The following UBR4 variants were observed in gnomAD, a reference collection of about 807,000 sequenced individuals.
UBR4 encodes E3 ubiquitin-protein ligase UBR4.
In UBR4, 124 loss-of-function variants were observed where a neutral mutation model predicts 575.6. The observed-to-expected ratio is 0.22, with a 90% confidence interval of 0.19 to 0.25. The LOEUF (loss-of-function observed/expected upper bound fraction) is 0.25. Among genes scored for constraint, UBR4 ranks in the 10% least tolerant of loss-of-function variants. The probability of loss-of-function intolerance (pLI) is 1.00; values close to 1 mark genes in which losing one functional copy is unlikely to be tolerated. For missense variants in UBR4, 4,818 were observed against 6,478.8 expected, an observed-to-expected ratio of 0.74 and a Z score of 8.80; for synonymous variants, 2,455 against 2,473.7, an observed-to-expected ratio of 0.99 and a Z score of 0.22.
chr1:19,162,364 C>T, intron 35 of UBR4, 56 bp downstream of exon 35: 1 of 1,552,766 alleles, frequency 6.4e-7, no homozygotes, highest in Non-Finnish European at 8.7e-7. Context: ...AAGCTTGGTA[C>T]CATGCCAGTT....
intron 51 of UBR4, among the ~76,000 whole-genome samples, chr1:19,147,332 C>G (rs572596036): frequency 6.6e-6 from 1 of 152,298 alleles, no homozygotes; most frequent in Non-Finnish European, 1.5e-5. Flanking sequence ...TACCCAAGGA[C>G]AGTGTTTCCA....
intron 85 of UBR4, 158 bp downstream of exon 85, chr1:19,104,889 AC>A: frequency 7.9e-7 from 1 of 1,260,474 alleles, no homozygotes; most frequent in Non-Finnish European, 1.1e-6. Context: ...TGCTACAGCT[AC>A]ATAATAAATA....
At position 19,100,681 on chromosome 1, in the gene UBR4, GCC is replaced by G; in HGVS notation, c.13024-110_13024-109del. The stretch of plus-strand genomic sequence containing the variant: ...GAGGAAAACACACCAAACTCAGCAA[GCC>G]CCCCAAACATTTAAAGATACAAAGG... On this transcript the variant is annotated intron_variant, in intron 88 of 105. Transcript: ENST00000375254. The surrounding 1 kb of genome is among the most constrained non-coding windows in gnomAD (Gnocchi z 4.2). 14 of 1,054,866 alleles carry G rather than the reference GCC, an allele frequency of 1.3e-5. No homozygotes were observed. Among genetic ancestry groups the G allele is most frequent in the Non-Finnish European group, 2.0e-5 (14 of 713,980 alleles). 65.3% of individuals were successfully genotyped at this position (1,054,866 alleles called of 1,614,324 possible). A position where few individuals can be genotyped will look rare whatever the true frequency, so the allele number is the denominator to read the frequency against.
chr1:19,104,869 C>T, intron 85 of UBR4, 179 bp downstream of exon 85: 1 of 1,170,626 alleles, frequency 8.5e-7, no homozygotes, highest in African/African-American at 1.5e-5. Flanking sequence ...TCCAAATGCT[C>T]CCAAGAGTTT....
rs201737964 is a variant in UBR4, at chr1:19,081,404, G to T, written c.15178C>A (p.Arg5060=). ...QWRATRVEIL[R]RLLVTSQARA... ...GCCTGCGAGGTCACCAACAGCCTCCGCAAGATTTCCACACGTGTGGCTCTC... is the reference window on the plus strand; with the variant it reads ...GCCTGCGAGGTCACCAACAGCCTCCTCAAGATTTCCACACGTGTGGCTCTC... The change falls in exon 103 of 106, where the codon CGG becomes AGG. Residue 5060 remains arginine (R), a synonymous_variant. Transcript: ENST00000375254. 1.9e-6 allele frequency: 3 copies of T among 1,613,562 alleles called. No homozygotes were observed. In the South Asian group the frequency reaches 3.3e-5, roughly 18 times the overall value.
chr1:19,165,219 A>G, intron 31 of UBR4, 30 bp downstream of exon 31: 3 of 1,593,338 alleles, frequency 1.9e-6, no homozygotes, highest in South Asian at 2.2e-5. Flanking sequence ...CAAAGTTCCC[A>G]TAAGAAGATT....
intron 89 of UBR4, chr1:19,099,987 C>T (rs768437440): frequency 1.8e-5 from 8 of 434,662 alleles, no homozygotes; most frequent in South Asian, 7.2e-5. Context: ...AGACCCTCAA[C>T]GGTCTGCCAG....
chr1:19,175,485 C>G (rs897421869), intron 20 of UBR4, among the ~76,000 whole-genome samples: 1 of 152,176 alleles, frequency 6.6e-6, no homozygotes, highest in Non-Finnish European at 1.5e-5. Context: ...AAAGTTTCCA[C>G]AAAACACACT....
In UBR4 at chr1:19,187,124, GAC is replaced by G. The variant is rs748509236; in HGVS notation, c.1632+38_1632+39del. ...TATATATATCATATATATAAAATGA[GAC>G]ATTCTTCTAAATTATCAATGGCTTA... On this transcript the variant is annotated intron_variant, in intron 13 of 105. Coordinates refer to ENST00000375254, the MANE Select transcript of UBR4 (RefSeq NM_020765.3). 7.3e-6 allele frequency: 11 copies of G among 1,515,896 alleles called. No homozygotes were observed. The South Asian group carries it at 1.3e-4, about 18-fold the overall frequency. The allele number at this position is 1,515,896 out of a possible 1,614,324, so 93.9% of individuals were successfully genotyped here. A position where few individuals can be genotyped will look rare whatever the true frequency, so the allele number is the denominator to read the frequency against.
chr1:19,159,190 C>T (rs530524927), intron 39 of UBR4, among the ~76,000 whole-genome samples: 10 of 152,258 alleles, frequency 6.6e-5, no homozygotes, highest in Non-Finnish European at 1.0e-4. Flanking sequence ...ATATCTCATT[C>T]GCAATATTTG....
At position 19,097,298 on chromosome 1, in the gene UBR4, G is replaced by A; in HGVS notation, c.13303-18C>T. The stretch of plus-strand genomic sequence containing the variant: ...GGCTCTCCCTGAGCAGAGAAAGTTG[G>A]AGAAAGGTACTTAAAAACAGGCCCA... On this transcript the variant is annotated intron_variant, in intron 90 of 105. Transcript: ENST00000375254. 6.2e-7 allele frequency: 1 copy of A among 1,610,022 alleles called. No homozygotes were observed. Among genetic ancestry groups the A allele is most frequent in the Non-Finnish European group, 8.5e-7 (1 of 1,178,260 alleles).
intron 49 of UBR4, among the ~76,000 whole-genome samples, chr1:19,148,844 A>G (rs1477480652): frequency 6.6e-6 from 1 of 152,196 alleles, no homozygotes; most frequent in Non-Finnish European, 1.5e-5. Flanking sequence ...ACCTGAGGCC[A>G]TGTTCGTAAT....
At chr1:19,104,443 A>C in intron 86 of UBR4, 142 bp downstream of exon 86, 1 of 1,162,668 alleles carries the variant, frequency 8.6e-7, no homozygotes, top group African/African-American at 1.6e-5. Context: ...AAACGTATCA[A>C]TACAGAAAAA....
intron 94 of UBR4, among the ~76,000 whole-genome samples, chr1:19,094,428 T>C (rs2077822020): frequency 6.6e-6 from 1 of 152,230 alleles, no homozygotes; most frequent in African/African-American, 2.4e-5. Flanking sequence ...CACTTGGTCA[T>C]AGCTCTAGCC....
At chr1:19,144,136 C>A (rs969271284) in intron 54 of UBR4, 45 bp from the exon 55 acceptor site, 5 of 1,548,544 alleles carry the variant, frequency 3.2e-6, no homozygotes, top group Non-Finnish European at 4.5e-6. Context: ...TCATATTATT[C>A]ATGAAACTCT....
chr1:19,140,309 CCTCT>C (rs1178185379), intron 58 of UBR4, among the ~76,000 whole-genome samples: 1 of 151,770 alleles, frequency 6.6e-6, no homozygotes, highest in Non-Finnish European at 1.5e-5. Flanking sequence ...CCATAAAAAC[CCTCT>C]CTCTCAAGCT....
At chr1:19,094,423 G>A (rs527964442) in intron 94 of UBR4, among the ~76,000 whole-genome samples, 8 of 152,286 alleles carry the variant, frequency 5.3e-5, no homozygotes, top group Admixed American at 3.3e-4. Flanking sequence ...ACATTCACTT[G>A]GTCATAGCTC....
At chr1:19,169,667 T>TAA in intron 26 of UBR4, 135 bp from the exon 27 acceptor site, 1 of 621,864 alleles carries the variant, frequency 1.6e-6, no homozygotes, top group Non-Finnish European at 2.7e-6. Context: ...ATAGCTTAGA[T>TAA]AGATATTTCA....
intron 93 of UBR4, 78 bp from the exon 94 acceptor site, chr1:19,095,103 T>C: frequency 1.2e-6 from 2 of 1,605,172 alleles, no homozygotes; most frequent in African/African-American, 1.3e-5. Context: ...CTCTCAAGGA[T>C]GCCCTCACAG....
Sources: gnomAD v4.1 joint callset for allele counts (sites outside exome capture counted in the v4.1 genomes callset) on GRCh38, gnomAD v4.1.1 for gene constraint, Gnocchi (gnomAD v3.1) non-coding constraint, MANE v1.5 for transcripts, NCBI Gene and HGNC (gene_info 2026-07-23, HGNC 2026-07-21) for gene names.